The following LEMD2 variants were observed in gnomAD, a reference collection of about 807,000 sequenced individuals.
The protein encoded by LEMD2 is LEM domain nuclear envelope protein 2, also known as LEM domain-containing protein 2.
A neutral mutation model predicts 58.8 loss-of-function variants in LEMD2; 34 were observed. The ratio of observed to expected loss-of-function variants is 0.58; its 90% CI spans 0.44 to 0.77. The LOEUF (loss-of-function observed/expected upper bound fraction) is 0.77. Ranked by LOEUF, LEMD2 falls within the 30% of genes least tolerant of loss-of-function variation. LEMD2 has a pLI of 0.00. For missense variants in LEMD2, 629 were observed against 717.9 expected, an observed-to-expected ratio of 0.88 and a Z score of 1.42; for synonymous variants, 298 against 308.9, an observed-to-expected ratio of 0.96 and a Z score of 0.37.
chr6:33,775,808 C>A (rs1046298134), intron 8 of LEMD2, among the ~76,000 whole-genome samples: 2 of 152,198 alleles, frequency 1.3e-5, no homozygotes, highest in Non-Finnish European at 2.9e-5. Flanking sequence ...TGTGCGTGAA[C>A]CATGGTGAGG....
Position 33,788,661 on chromosome 6 carries a change from C to T in LEMD2, c.456G>A (p.Thr152=). 1 of 1,313,866 alleles carries T rather than the reference C, an allele frequency of 7.6e-7. No individual in the cohort carries two copies. The allele number at this position is 1,313,866 out of a possible 1,614,324, so 81.4% of individuals were successfully genotyped here. Residue 152 remains threonine, a synonymous_variant, in exon 1 of 9, where the codon ACG becomes ACA. Coordinates refer to ENST00000293760, the MANE Select transcript of LEMD2 (RefSeq NM_181336.4). ...DEDARTPDRA[T]QGPGLAARRW... ...GGCGGGCCGCGAGACCCGGGCCCTG[C>T]GTGGCCCTGTCGGGCGTCCGGGCGT...
intron 3 of LEMD2, among the ~76,000 whole-genome samples, chr6:33,783,241 TATG>T (rs960684320): frequency 2.0e-5 from 3 of 152,200 alleles, no homozygotes; most frequent in African/African-American, 7.2e-5. Flanking sequence ...GAGGAATTCC[TATG>T]ATGCTGTGAG....
At position 33,789,102 on chromosome 6, in the gene LEMD2, C is replaced by T. The variant is rs750192611; in HGVS notation, c.15G>A (p.Ser5=). MAGL[S]DLELRRELQA... is the part of the protein sequence containing the mutation. ...GCAGCTCCCGCCGCAGTTCCAGGTCCGACAGGCCGGCCATGGCCAGGACGC... is the reference window on the plus strand; with the variant it reads ...GCAGCTCCCGCCGCAGTTCCAGGTCTGACAGGCCGGCCATGGCCAGGACGC... Residue 5 remains serine (S), a synonymous_variant, in exon 1 of 9, where the codon TCG becomes TCA. Coordinates refer to ENST00000293760, the MANE Select transcript of LEMD2 (RefSeq NM_181336.4). 110 of 1,536,398 alleles carry T rather than the reference C, an allele frequency of 7.2e-5. No individual in the cohort carries two copies. Among genetic ancestry groups the T allele is most frequent in the Non-Finnish European group, 8.2e-5 (94 of 1,151,924 alleles).
chr6:33,788,455 A>G lies in LEMD2; in HGVS notation c.662T>C (p.Leu221Pro). Residue 221 changes from leucine to proline, a missense_variant, in exon 1 of 9, where the codon CTA (leucine) becomes CCA (proline). This residue lies in a region of LEMD2 where 386 missense variants were observed against 381.1 expected (regional missense o/e 1.01). Transcript: ENST00000293760. ...AAGGATGCCCAGGAAGACGAGCAGT[A>G]GCCCTAGGCTGGCCCAGAGCAGAAG... ...SRLLLWASLG[L>P]LLVFLGILWV... 1 of 1,574,704 alleles carries G rather than the reference A, an allele frequency of 6.4e-7. No homozygotes were observed.
chr6:33,777,815 T>C (rs1464636925), intron 6 of LEMD2, among the ~76,000 whole-genome samples: 3 of 152,190 alleles, frequency 2.0e-5, no homozygotes, highest in African/African-American at 7.2e-5. Flanking sequence ...CCTGAGTCCT[T>C]CTTGCTTTCA....
At chr6:33,776,908 C>T (rs372568754) in intron 8 of LEMD2, 46 bp downstream of exon 8, 206 of 1,488,844 alleles carry the variant, frequency 1.4e-4, no homozygotes, top group Non-Finnish European at 1.8e-4. Context: ...TCAGTGGGGT[C>T]GGACCCCATC....
At chr6:33,786,663 G>T in intron 2 of LEMD2, 71 bp downstream of exon 2, 5 of 1,179,486 alleles carry the variant, frequency 4.2e-6, no homozygotes, top group Non-Finnish European at 5.0e-6. Context: ...CTTTTTCTGG[G>T]GAAGTTTACC....
In LEMD2 at chr6:33,777,027, C is replaced by T. The variant is rs1344654489; in HGVS notation, c.1288G>A (p.Glu430Lys). ...DVVQDHYVDWEQDMERYPYVG... is the reference protein window; with the variant it reads ...DVVQDHYVDWKQDMERYPYVG... ...TATGGATAGCGCTCCATGTCCTGCT[C>T]CCAGTCCACGTAATGGTCCTGGACC... is the stretch of plus-strand genomic sequence containing the variant. Residue 430 changes from glutamate to lysine, a missense_variant, in exon 8 of 9, where the codon GAG becomes AAG. By Grantham distance (56) the Glu-to-Lys change is moderately conservative. Around this residue, in one of 2 missense-constraint regions of LEMD2, gnomAD observed 243 missense variants for 336.8 expected, o/e 0.72. Coordinates refer to ENST00000293760, the MANE Select transcript of LEMD2 (RefSeq NM_181336.4). The T allele has an allele frequency of 6.2e-7, 1 of 1,614,050 alleles. No individual in the cohort carries two copies. Among genetic ancestry groups the T allele is most frequent in the Non-Finnish European group, 8.5e-7 (1 of 1,180,004 alleles).
chr6:33,777,210 G>A lies in LEMD2; in HGVS notation c.1186C>T (p.Leu396Phe). The change falls in exon 7 of 9, where the codon CTC becomes TTC. Residue 396 changes from leucine (L) to phenylalanine (F), a missense_variant. By Grantham distance (22) the Leu-to-Phe change is conservative. Transcript: ENST00000293760. ...AACTTTCGCCACCGATATTTTAGGA[G>A]AATTAGGAGCCCCCACAAAAAAGCC... ...CLAFLWGLLI[L>F]LKYRWRKLEE... 1 of 1,614,106 alleles carries A rather than the reference G, an allele frequency of 6.2e-7. No homozygotes were observed. Among genetic ancestry groups the A allele is most frequent in the East Asian group, 2.2e-5 (1 of 44,878 alleles).
At chr6:33,780,742 G>A (rs974857306) in intron 4 of LEMD2, among the ~76,000 whole-genome samples, 2 of 152,110 alleles carry the variant, frequency 1.3e-5, no homozygotes, top group Admixed American at 6.5e-5. Context: ...GTAATCATAC[G>A]GGGGAGAAGG....
rs1439452489 is a variant in LEMD2, at chr6:33,772,687, C to G, written c.1453G>C (p.Glu485Gln). 1.2e-6 allele frequency: 2 copies of G among 1,614,120 alleles called. No homozygotes were observed. The highest frequency in any genetic ancestry group is 1.7e-6 in the Non-Finnish European group (2 of 1,180,014). The change falls in exon 9 of 9, where the codon GAG becomes CAG. Residue 485 changes from glutamate to glutamine, a missense_variant. Glu to Gln is a conservative substitution (Grantham distance 29). Transcript: ENST00000293760. ...GTCCATCTCCACACCAGCATGTCCT[C>G]TCCTGCAACGCGGTGGGACTCCGTC... ...IQTESHRVAGEDMLVWRWTKP... is the reference protein window; with the variant it reads ...IQTESHRVAGQDMLVWRWTKP...
chr6:33,788,280 A>C, intron 1 of LEMD2, 101 bp downstream of exon 1: 1 of 1,243,008 alleles, frequency 8.0e-7, no homozygotes. Context: ...GAGGCAGCTG[A>C]CAAGGCCGGA....
rs545719755 is a variant in LEMD2 at position 33,772,376 on chromosome 6, C to T, written c.*252G>A. The T allele has an allele frequency of 2.5e-5, 9 of 363,766 alleles. No homozygotes were observed. The highest frequency in any genetic ancestry group is 1.5e-4 in the African/African-American group (7 of 47,678). 22.5% of individuals were successfully genotyped at this position (363,766 alleles called of 1,614,324 possible). A position where few individuals can be genotyped will look rare whatever the true frequency, so the allele number is the denominator to read the frequency against. Reference sequence around the variant, plus strand: ...TTCATGAAAACTCAACCCTTCTCCCCGTTTCTGCCAGCACAACAGGGCAGA... The same window carrying T: ...TTCATGAAAACTCAACCCTTCTCCCTGTTTCTGCCAGCACAACAGGGCAGA... On this transcript the variant is annotated 3_prime_UTR_variant, in exon 9 of 9. Coordinates refer to ENST00000293760, the MANE Select transcript of LEMD2 (RefSeq NM_181336.4).
Position 33,788,749 on chromosome 6 carries a change from G to A in LEMD2, c.368C>T (p.Pro123Leu), listed in dbSNP as rs1208999517. 1 of 1,445,988 alleles carries A rather than the reference G, an allele frequency of 6.9e-7. No homozygotes were observed. The highest frequency in any genetic ancestry group is 1.5e-5 in the African/African-American group (1 of 68,074). 89.6% of individuals were successfully genotyped at this position (1,445,988 alleles called of 1,614,324 possible). A position where few individuals can be genotyped will look rare whatever the true frequency, so the allele number is the denominator to read the frequency against. ...GCGCCTGAGTTGCGCCGGGCGGGCA[G>A]GATAGGCGAGGCCGCGGCTCCCTAC... ...SWVGSRGLAY[P>L]ARPAQLRRRA... The change falls in exon 1 of 9, where the codon CCT becomes CTT. Residue 123 changes from proline to leucine, a missense_variant. Physicochemically the swap from Pro to Leu is moderately conservative, Grantham distance 98. Around this residue, in one of 2 missense-constraint regions of LEMD2, gnomAD observed 386 missense variants for 381.1 expected, o/e 1.01. Transcript: ENST00000293760.
intron 5 of LEMD2, chr6:33,779,595 G>C (rs1376195073): frequency 6.5e-6 from 1 of 152,748 alleles, no homozygotes; most frequent in Non-Finnish European, 1.5e-5. Context: ...CCTCATGAAA[G>C]GGTTTGCTAC....
Position 33,788,864 on chromosome 6 carries a change from C to A in LEMD2, c.253G>T (p.Ala85Ser), listed in dbSNP as rs1271394237. The change falls in exon 1 of 9, where the codon GCG becomes TCG. Residue 85 changes from alanine to serine, a missense_variant. Around this residue, in one of 2 missense-constraint regions of LEMD2, gnomAD observed 386 missense variants for 381.1 expected, o/e 1.01. Coordinates refer to ENST00000293760, the MANE Select transcript of LEMD2 (RefSeq NM_181336.4). ...GCCGGCTGGGAGAGCCAGGGCTCCG[C>A]CCGCGGAGAGGCCGCGGCGGGCCGG... is the stretch of plus-strand genomic sequence containing the variant. ...RARPAAASPR[A>S]EPWLSQPASG... 2.5e-5 allele frequency: 34 copies of A among 1,380,518 alleles called. No homozygotes were observed. Among genetic ancestry groups the A allele is most frequent in the Non-Finnish European group, 3.1e-5 (33 of 1,074,964 alleles). The allele number at this position is 1,380,518 out of a possible 1,614,324, so 85.5% of individuals were successfully genotyped here.
intron 3 of LEMD2, chr6:33,781,609 G>A (rs1429767660): frequency 1.2e-5 from 2 of 167,726 alleles, no homozygotes; most frequent in African/African-American, 4.8e-5. Context: ...GGAGGAAGAG[G>A]ATGTCTGTGT....
Position 33,778,267 on chromosome 6 carries a change from G to C in LEMD2, c.1131C>G (p.Val377=), listed in dbSNP as rs756945883. The change falls in exon 6 of 9, where the codon GTC becomes GTG. Residue 377 remains valine, a synonymous_variant. Coordinates refer to ENST00000293760, the MANE Select transcript of LEMD2 (RefSeq NM_181336.4). The surrounding 1 kb of genome is among the most constrained non-coding windows in gnomAD (Gnocchi z 4.7). ...CRLSRALLTA[V]TNVLIFFWCL... ...ACCAGAAGAAGATGAGCACGTTGGTGACAGCAGTGAGCAAGGCCCGGCTCA... is the reference window on the plus strand; with the variant it reads ...ACCAGAAGAAGATGAGCACGTTGGTCACAGCAGTGAGCAAGGCCCGGCTCA... 1.2e-6 allele frequency: 2 copies of C among 1,605,454 alleles called. No individual in the cohort carries two copies. Among genetic ancestry groups the C allele is most frequent in the Non-Finnish European group, 1.7e-6 (2 of 1,175,618 alleles).
chr6:33,773,595 G>C (rs543116672), intron 8 of LEMD2, among the ~76,000 whole-genome samples: 1 of 23,930 alleles, frequency 4.2e-5, no homozygotes, highest in African/African-American at 9.1e-5. Flanking sequence ...GTCAGGAGGC[G>C]GGGGGGGGGC....
Sources: gnomAD v4.1 joint callset for allele counts (sites outside exome capture counted in the v4.1 genomes callset) on GRCh38, gnomAD v4.1.1 for gene constraint, gnomAD v4.1.1 regional missense constraint, Gnocchi (gnomAD v3.1) non-coding constraint, MANE v1.5 for transcripts, NCBI Gene and HGNC (gene_info 2026-07-23, HGNC 2026-07-21) for gene names.